Variants in SLC45A4 observed in about 807,000 individuals in gnomAD.
The protein encoded by SLC45A4 is solute carrier family 45 member 4.
Under a neutral mutation model 63.7 loss-of-function variants are expected in SLC45A4, and 32 were observed. That is an observed-to-expected ratio of 0.50 (90% CI 0.38 to 0.67). SLC45A4 has a LOEUF of 0.67. Among genes scored for constraint, SLC45A4 ranks in the 30% least tolerant of loss-of-function variants. The pLI is 0.00. For missense variants in SLC45A4, 1,027 were observed against 1,157.7 expected (o/e 0.89, Z 1.64); for synonymous variants, 535 against 510.0 (o/e 1.05, Z -0.66).
At chr8:141,243,314 G>GC (rs1828006433) in intron 2 of SLC45A4, among the ~76,000 whole-genome samples, 1 of 152,138 alleles carries the variant, frequency 6.6e-6, no homozygotes, top group Admixed American at 6.5e-5. Flanking sequence ...GGTGCCCCCC[G>GC]CCGCAGCAAG....
intron 2 of SLC45A4, among the ~76,000 whole-genome samples, chr8:141,242,788 G>C (rs936782454): frequency 1.3e-5 from 2 of 152,156 alleles, no homozygotes; most frequent in African/African-American, 4.8e-5. Flanking sequence ...GAGACTGGAG[G>C]CCACACGTTG....
intron 2 of SLC45A4, among the ~76,000 whole-genome samples, chr8:141,223,720 C>T (rs13281845): frequency 0.13 from 19,052 of 152,244 alleles, 1,553 homozygotes; most frequent in East Asian, 0.18. Flanking sequence ...GCCAACCCTG[C>T]GCACGCCAGG....
chr8:141,266,262 G>A (rs183802064), intron 1 of SLC45A4, among the ~76,000 whole-genome samples: 2 of 152,180 alleles, frequency 1.3e-5, no homozygotes, highest in East Asian at 1.9e-4. Context: ...GTACACGCAC[G>A]CATGGGCCTG....
intron 1 of SLC45A4, among the ~76,000 whole-genome samples, chr8:141,268,522 A>G (rs1829376145): frequency 6.6e-6 from 1 of 152,154 alleles, no homozygotes; most frequent in Admixed American, 6.5e-5. Context: ...CGACACAGAC[A>G]CTGGGGGAGG....
At chr8:141,251,641 T>C (rs1196438444) in intron 2 of SLC45A4, among the ~76,000 whole-genome samples, 3 of 152,044 alleles carry the variant, frequency 2.0e-5, no homozygotes. Flanking sequence ...TCCTCTAACC[T>C]TGTCTGAGCC....
At chr8:141,305,890 G>C (rs1428831762) in intron 1 of SLC45A4, among the ~76,000 whole-genome samples, 2 of 120,548 alleles carry the variant, frequency 1.7e-5, no homozygotes, top group Non-Finnish European at 4.0e-5. Context: ...TCCTCCATCG[G>C]GAAAGTGGGG....
Position 141,219,746 on chromosome 8 carries a change from C to T in SLC45A4, c.514G>A (p.Ala172Thr), listed in dbSNP as rs772292763. 3.7e-6 allele frequency: 6 copies of T among 1,603,672 alleles called. No individual in the cohort carries two copies. The highest frequency in any genetic ancestry group is 1.3e-5 in the African/African-American group (1 of 74,618). Residue 172 changes from alanine to threonine, a missense_variant, in exon 4 of 9, where the codon GCC becomes ACC. By Grantham distance (58) the Ala-to-Thr change is moderately conservative. Transcript: ENST00000517878. ...CGGATGGGCCCCTCGGTGGCATCGGCGCTGAAGTCCAGGACCACCACTCCC... is the reference window on the plus strand; with the variant it reads ...CGGATGGGCCCCTCGGTGGCATCGGTGCTGAAGTCCAGGACCACCACTCCC... ...VLGVVVLDFS[A>T]DATEGPIRAY...
At chr8:141,234,374 G>A (rs1302676522) in intron 2 of SLC45A4, among the ~76,000 whole-genome samples, 1 of 152,248 alleles carries the variant, frequency 6.6e-6, no homozygotes, top group African/African-American at 2.4e-5. Flanking sequence ...CAGGACTGAA[G>A]GGTGCGGGGT....
intron 1 of SLC45A4, among the ~76,000 whole-genome samples, chr8:141,272,596 C>G (rs545062297): frequency 6.6e-6 from 1 of 152,230 alleles, no homozygotes. Flanking sequence ...CAAACCCTTC[C>G]GGAGAGCCTG....
chr8:141,221,533 C>A, intron 3 of SLC45A4, 44 bp downstream of exon 3: 1 of 1,579,730 alleles, frequency 6.3e-7, no homozygotes, highest in South Asian at 1.1e-5. Context: ...GGGCCAGGAC[C>A]CCGTCTGTGT....
intron 7 of SLC45A4, among the ~76,000 whole-genome samples, chr8:141,213,706 C>T (rs979907752): frequency 6.6e-5 from 10 of 152,180 alleles, no homozygotes; most frequent in African/African-American, 2.4e-4. Flanking sequence ...CGCGCAAGCA[C>T]GCGGACACGT....
chr8:141,213,372 C>T (rs1164278646), intron 7 of SLC45A4, among the ~76,000 whole-genome samples: 1 of 152,204 alleles, frequency 6.6e-6, no homozygotes, highest in Non-Finnish European at 1.5e-5. Flanking sequence ...AGGCTGCAAC[C>T]ACATGGGGTA....
chr8:141,238,692 CCA>C (rs1337760649), intron 2 of SLC45A4, among the ~76,000 whole-genome samples: 5 of 152,212 alleles, frequency 3.3e-5, no homozygotes, highest in Non-Finnish European at 5.9e-5. Flanking sequence ...CACCCATTCC[CCA>C]CAGAGACCTG....
In SLC45A4 at chr8:141,221,565, C is replaced by A; in HGVS notation, c.430+12G>T. On this transcript the variant is annotated intron_variant, in intron 3 of 8. Coordinates refer to ENST00000517878, the MANE Select transcript of SLC45A4 (RefSeq NM_001286646.2). ...GTGTTGTGAGGACACCAGGTGTGGCCGAGAAACTTACCGATGGCAGAGCCG... is the reference window on the plus strand; with the variant it reads ...GTGTTGTGAGGACACCAGGTGTGGCAGAGAAACTTACCGATGGCAGAGCCG... 1 of 1,609,492 alleles carries A rather than the reference C, an allele frequency of 6.2e-7. No homozygotes were observed. The highest frequency in any genetic ancestry group is 1.3e-5 in the African/African-American group (1 of 74,850).
intron 1 of SLC45A4, among the ~76,000 whole-genome samples, chr8:141,280,607 T>G (rs995367338): frequency 1.3e-5 from 2 of 152,072 alleles, no homozygotes; most frequent in African/African-American, 4.8e-5. Context: ...CAATCCCAGG[T>G]TGAGACTCCA....
intron 1 of SLC45A4, among the ~76,000 whole-genome samples, chr8:141,279,144 C>T (rs1376851676): frequency 6.6e-6 from 1 of 152,266 alleles, no homozygotes; most frequent in South Asian, 2.1e-4. Context: ...ACCTCCTTCC[C>T]CCACGCAGCC....
intron 1 of SLC45A4, among the ~76,000 whole-genome samples, chr8:141,295,122 A>G (rs1447971771): frequency 1.3e-5 from 2 of 152,236 alleles, no homozygotes; most frequent in Non-Finnish European, 2.9e-5. Flanking sequence ...CACACTGGAC[A>G]GGAGGAAGCA....
rs1193818690 is a variant in SLC45A4 at position 141,227,177 on chromosome 8, G to A, written c.242-5412C>T. On this transcript the variant is annotated intron_variant, in intron 2 of 8. Transcript: ENST00000517878. The surrounding 1 kb of genome is among the most constrained non-coding windows in gnomAD (Gnocchi z 4.4). ...TGAACAACAATGGTGAGACCAGGAA[G>A]GCTCTCCGTTCACAGGAAATACTGT... 6.6e-6 allele frequency among the ~76,000 whole-genome samples: 1 copy of A among 152,206 alleles called. No homozygotes were observed. Among genetic ancestry groups the A allele is most frequent in the Admixed American group, 6.5e-5 (1 of 15,290 alleles).
chr8:141,271,807 C>T (rs993735135), intron 1 of SLC45A4, among the ~76,000 whole-genome samples: 6 of 149,508 alleles, frequency 4.0e-5, no homozygotes, highest in African/African-American at 1.3e-4. Context: ...CAAGTGTGCA[C>T]ACAACACACA....
Sources: gnomAD v4.1 joint callset for allele counts (sites outside exome capture counted in the v4.1 genomes callset) on GRCh38, gnomAD v4.1.1 for gene constraint, Gnocchi (gnomAD v3.1) non-coding constraint, MANE v1.5 for transcripts, NCBI Gene and HGNC (gene_info 2026-07-23, HGNC 2026-07-21) for gene names.